KLRG2: variants seen among roughly 807,000 people sequenced by gnomAD.
The protein encoded by KLRG2 is killer cell lectin like receptor G2.
In KLRG2, 39 loss-of-function variants were observed where a neutral mutation model predicts 35.4. The ratio of observed to expected loss-of-function variants is 1.10; its 90% CI spans 0.85 to 1.44. The LOEUF (loss-of-function observed/expected upper bound fraction) is 1.44, where lower values mean the gene tolerates loss of function less well. Ranked by LOEUF, KLRG2 falls within the 40% of genes most tolerant of loss-of-function variation. The pLI, the probability that KLRG2 is intolerant of heterozygous loss-of-function variation, is 0.00. For missense variants in KLRG2, 632 were observed against 570.9 expected, an observed-to-expected ratio of 1.11 and a Z score of -1.09; for synonymous variants, 283 against 265.8, an observed-to-expected ratio of 1.06 and a Z score of -0.63.
chr7:139,482,939 G>A lies in KLRG2; in HGVS notation c.704C>T (p.Pro235Leu). 1 of 1,491,136 alleles carries A rather than the reference G, an allele frequency of 6.7e-7. No homozygotes were observed. Among genetic ancestry groups the A allele is most frequent in the Non-Finnish European group, 8.8e-7 (1 of 1,131,142 alleles). The allele number at this position is 1,491,136 out of a possible 1,614,324, so 92.4% of individuals were successfully genotyped here. ...GLEKEDAALL[P>L]RAGLDGDEKL... ...CTCGTCGCCGTCCAACCCCGCGCGGGGCAACAGCGCCGCATCCTCCTTCTC... is the reference window on the plus strand; with the variant it reads ...CTCGTCGCCGTCCAACCCCGCGCGGAGCAACAGCGCCGCATCCTCCTTCTC... The change falls in exon 1 of 5, where the codon CCC (proline) becomes CTC (leucine). Residue 235 changes from proline to leucine, a missense_variant. Transcript: ENST00000340940.
rs200590911 is a variant in KLRG2 at position 139,466,588 on chromosome 7, G to T, written c.1006-12374C>A. Reference sequence around the variant, plus strand: ...CTCTTACTCTTGTTCCCGTTCTTATGCCACGCTCTACCTCTCCCCAGCTAT... The same window carrying T: ...CTCTTACTCTTGTTCCCGTTCTTATTCCACGCTCTACCTCTCCCCAGCTAT... On this transcript the variant is annotated intron_variant, in intron 3 of 4. Coordinates refer to ENST00000340940, the MANE Select transcript of KLRG2 (RefSeq NM_198508.4). 3.3e-5 allele frequency among the ~76,000 whole-genome samples: 5 copies of T among 152,044 alleles called. No homozygotes were observed. In the East Asian group the frequency reaches 5.8e-4, roughly 18 times the overall value.
chr7:139,477,309 C>T (rs1796867674), intron 3 of KLRG2, among the ~76,000 whole-genome samples: 1 of 152,200 alleles, frequency 6.6e-6, no homozygotes, highest in Admixed American at 6.5e-5. Flanking sequence ...ACAACCCAAA[C>T]ATGGAAGCAA....
intron 3 of KLRG2, among the ~76,000 whole-genome samples, chr7:139,472,383 T>A (rs1369455707): frequency 6.7e-6 from 1 of 149,052 alleles, no homozygotes; most frequent in Non-Finnish European, 1.5e-5. Context: ...TTTAAACTCA[T>A]TCATATTTAA....
rs766535724 is a variant in KLRG2, at chr7:139,453,528, C to A, written c.*59G>T. ...AGAGGCTGCCCAAGCTCTCAACTGGCCTCCCCTGTAGGGGGTGCTGCATCT... is the reference window on the plus strand; with the variant it reads ...AGAGGCTGCCCAAGCTCTCAACTGGACTCCCCTGTAGGGGGTGCTGCATCT... On this transcript the variant is annotated 3_prime_UTR_variant, in exon 5 of 5. Coordinates refer to ENST00000340940, the MANE Select transcript of KLRG2 (RefSeq NM_198508.4). 15 of 1,540,590 alleles carry A rather than the reference C, an allele frequency of 9.7e-6. No individual in the cohort carries two copies. The highest frequency in any genetic ancestry group is 1.1e-5 in the Non-Finnish European group (13 of 1,142,570).
the KLRG2 span, among the ~76,000 whole-genome samples, chr7:139,444,676 A>C: frequency 2.2e-4 from 33 of 152,304 alleles, no homozygotes; most frequent in Admixed American, 3.3e-4. Context: ...GAACTGGAAG[A>C]AAATACATTT....
At chr7:139,443,423 G>A in the KLRG2 span, among the ~76,000 whole-genome samples, 914 of 152,154 alleles carry the variant, frequency 6.0e-3, 12 homozygotes, top group African/African-American at 0.021. Context: ...AAGGCAAGAG[G>A]GCTTTCTAAA....
intron 3 of KLRG2, among the ~76,000 whole-genome samples, chr7:139,463,714 G>T (rs1007775285): frequency 6.6e-6 from 1 of 152,196 alleles, no homozygotes; most frequent in Non-Finnish European, 1.5e-5. Flanking sequence ...TCCGGCCCAA[G>T]GCTCTCTGAC....
At chr7:139,431,013 GAAAA>G in the KLRG2 span, among the ~76,000 whole-genome samples, 1 of 92,612 alleles carries the variant, frequency 1.1e-5, no homozygotes. Context: ...CCCTGTCTCA[GAAAA>G]AAAAAAAAAA....
chr7:139,483,632 G>A lies in KLRG2; in HGVS notation c.11C>T (p.Ser4Phe). The change falls in exon 1 of 5, where the codon TCT becomes TTT. Residue 4 changes from serine (S) to phenylalanine (F), a missense_variant. Ser to Phe is a radical substitution (Grantham distance 155). Coordinates refer to ENST00000340940, the MANE Select transcript of KLRG2 (RefSeq NM_198508.4). ...TTGGCCTCCGGGCGCAGCCTCCCAA[G>A]ACTCCTCCATCCCGCGCGCCCCGCC... Reference protein sequence around the residue: MEESWEAAPGGQAG... With the variant: MEEFWEAAPGGQAG... The A allele has an allele frequency of 1.9e-6, 3 of 1,552,636 alleles. No homozygotes were observed. Among genetic ancestry groups the A allele is most frequent in the Non-Finnish European group, 1.7e-6 (2 of 1,158,538 alleles).
At chr7:139,453,808 C>T (rs1796411650) in intron 4 of KLRG2, 101 bp from the exon 5 acceptor site, 5 of 1,387,948 alleles carry the variant, frequency 3.6e-6, no homozygotes, top group Non-Finnish European at 4.0e-6. Flanking sequence ...CCTCTACCGG[C>T]CTGGGCACTG....
intron 1 of KLRG2, among the ~76,000 whole-genome samples, chr7:139,481,403 G>T (rs1585179610): frequency 6.6e-6 from 1 of 152,320 alleles, no homozygotes; most frequent in South Asian, 2.1e-4. Flanking sequence ...CTCTGCAAAA[G>T]TTCCTGAGTG....
Position 139,472,473 on chromosome 7 carries a change from G to A in KLRG2, c.1005+7154C>T, listed in dbSNP as rs540519445. Among the ~76,000 whole-genome samples, 4 of 151,768 alleles carry A rather than the reference G, an allele frequency of 2.6e-5. No homozygotes were observed. The East Asian group carries it at 5.8e-4, about 22-fold the overall frequency. ...AAAAATGGGAAGAGAAGCTGAGTGCGGTGGCTCATGTCTGTAATCCCAGCA... is the reference window on the plus strand; with the variant it reads ...AAAAATGGGAAGAGAAGCTGAGTGCAGTGGCTCATGTCTGTAATCCCAGCA... On this transcript the variant is annotated intron_variant, in intron 3 of 4. Coordinates refer to ENST00000340940, the MANE Select transcript of KLRG2 (RefSeq NM_198508.4).
rs944568005 is a variant in KLRG2, at chr7:139,464,757, C to A, written c.1006-10543G>T. 7.9e-5 allele frequency among the ~76,000 whole-genome samples: 12 copies of A among 152,368 alleles called. No homozygotes were observed. In the South Asian group the frequency reaches 1.7e-3, roughly 21 times the overall value. ...ATTTGACCTTACTCTTTTAGCCTAG[C>A]CTTCATGTCTGTGTGTGGCAGCTGC... is the stretch of plus-strand genomic sequence containing the variant. On this transcript the variant is annotated intron_variant, in intron 3 of 4. Transcript: ENST00000340940.
At chr7:139,451,024 G>A (rs1302100608), downstream of KLRG2, among the ~76,000 whole-genome samples, 1 of 152,188 alleles carries the variant, frequency 6.6e-6, no homozygotes, top group Non-Finnish European at 1.5e-5. Context: ...GGAGAACTAA[G>A]GCCCCAGCTA....
intron 3 of KLRG2, among the ~76,000 whole-genome samples, chr7:139,462,624 T>C (rs916775963): frequency 1.3e-5 from 2 of 152,192 alleles, no homozygotes; most frequent in African/African-American, 2.4e-5. Flanking sequence ...GCAATGCTGC[T>C]TGACCCCAAT....
chr7:139,439,848 C>A, the KLRG2 span, among the ~76,000 whole-genome samples: 1 of 152,016 alleles, frequency 6.6e-6, no homozygotes, highest in Non-Finnish European at 1.5e-5. Flanking sequence ...TTTTCACCAA[C>A]CTGATGCTTT....
chr7:139,460,734 A>T (rs1796554304), intron 3 of KLRG2, among the ~76,000 whole-genome samples: 1 of 150,958 alleles, frequency 6.6e-6, no homozygotes, highest in Non-Finnish European at 1.5e-5. Flanking sequence ...CAAGGCAGGC[A>T]GATCACTTGA....
intron 3 of KLRG2, among the ~76,000 whole-genome samples, chr7:139,473,808 G>C (rs1277603252): frequency 6.6e-6 from 1 of 151,904 alleles, no homozygotes; most frequent in South Asian, 2.1e-4. Flanking sequence ...ACAAGAACAG[G>C]ACACTGTAAA....
intron 3 of KLRG2, among the ~76,000 whole-genome samples, chr7:139,476,123 C>A (rs890175826): frequency 2.6e-5 from 4 of 152,064 alleles, no homozygotes; most frequent in African/African-American, 9.7e-5. Context: ...GAAATTGAGG[C>A]CAGGCACGGT....
Sources: allele counts gnomAD v4.1 joint callset (sites outside exome capture counted in the v4.1 genomes callset), GRCh38; gene constraint gnomAD v4.1.1; transcripts MANE v1.5; gene names NCBI Gene and HGNC (gene_info 2026-07-23, HGNC 2026-07-21).